Variants in PALS1 observed in about 807,000 individuals in gnomAD.
PALS1 encodes protein associated with LIN7 1, MAGUK p55 family member, also known as protein PALS1.
Under a neutral mutation model 78.9 loss-of-function variants are expected in PALS1, and 31 were observed. That is an observed-to-expected ratio of 0.39 (90% CI 0.30 to 0.53). The LOEUF (loss-of-function observed/expected upper bound fraction) is 0.53. PALS1 is among the 20% of genes least tolerant of loss of function. The pLI is 0.67. For synonymous variants in PALS1, 276 were observed against 270.9 expected (o/e 1.02, Z -0.18); for missense variants, 704 against 826.5 (o/e 0.85, Z 1.82).
chr14:67,306,981 T>C (rs745864333), intron 8 of PALS1, among the ~76,000 whole-genome samples: 2 of 152,222 alleles, frequency 1.3e-5, no homozygotes, highest in Non-Finnish European at 2.9e-5. Flanking sequence ...TTAAGACAGA[T>C]ATACAAAATA....
chr14:67,327,061 G>C (rs995582515), intron 14 of PALS1, among the ~76,000 whole-genome samples: 49 of 152,292 alleles, frequency 3.2e-4, no homozygotes, highest in African/African-American at 1.2e-3. Context: ...TGTAATCCCA[G>C]CTACTTGGGA....
At chr14:67,329,879 T>C (rs1332735969) in intron 14 of PALS1, among the ~76,000 whole-genome samples, 1 of 98,788 alleles carries the variant, frequency 1.0e-5, no homozygotes, top group Non-Finnish European at 1.7e-5. Flanking sequence ...AATAAATAAA[T>C]AGATATAGAA....
At chr14:67,270,643 T>G (rs549887815) in intron 2 of PALS1, 1 of 151,996 alleles carries the variant, frequency 6.6e-6, no homozygotes, top group African/African-American at 2.4e-5. Flanking sequence ...CTGGGAGGAC[T>G]TTTTCACTTT....
At chr14:67,328,521 CT>C (rs2085394927) in intron 14 of PALS1, among the ~76,000 whole-genome samples, 1 of 152,142 alleles carries the variant, frequency 6.6e-6, no homozygotes, top group African/African-American at 2.4e-5. Flanking sequence ...GTTGCCATTG[CT>C]TTTGGTGTTT....
intron 4 of PALS1, 132 bp downstream of exon 4, chr14:67,292,851 G>A: frequency 1.5e-6 from 1 of 654,304 alleles, no homozygotes; most frequent in South Asian, 3.3e-5. Flanking sequence ...TGTTAATAAT[G>A]TATTGTGACA....
intron 4 of PALS1, 85 bp from the exon 5 acceptor site, chr14:67,301,304 G>T: frequency 1.1e-5 from 7 of 631,948 alleles, no homozygotes; most frequent in African/African-American, 3.7e-5. Context: ...ATTTTAATTT[G>T]TACTTAAAAA....
At chr14:67,303,657 T>A in intron 8 of PALS1, 58 bp downstream of exon 8, 11 of 1,139,236 alleles carry the variant, frequency 9.7e-6, no homozygotes, top group African/African-American at 1.5e-5. Flanking sequence ...TTACTTCTGT[T>A]ACTGTTTACT....
chr14:67,267,844 T>C (rs2084352924), intron 1 of PALS1, among the ~76,000 whole-genome samples: 2 of 152,254 alleles, frequency 1.3e-5, no homozygotes. Context: ...AATGGAATCA[T>C]ACTCGTGTCT....
chr14:67,266,306 A>G (rs1019844454), intron 1 of PALS1, among the ~76,000 whole-genome samples: 5 of 151,844 alleles, frequency 3.3e-5, no homozygotes, highest in African/African-American at 1.2e-4. Flanking sequence ...TTTCAGAGCT[A>G]ATCCACTGCA....
In PALS1 at chr14:67,334,483, C is replaced by CAATT. The variant is rs2085499414; in HGVS notation, c.*1529_*1532dup. 1.3e-5 allele frequency: 2 copies of CAATT among 152,542 alleles called. No homozygotes were observed. Among genetic ancestry groups the CAATT allele is most frequent in the Admixed American group, 6.5e-5 (1 of 15,268 alleles). The allele number at this position is 152,542 out of a possible 1,614,324, so 9.4% of individuals were successfully genotyped here. On this transcript the variant is annotated 3_prime_UTR_variant, in exon 15 of 15. Coordinates refer to ENST00000261681, the MANE Select transcript of PALS1 (RefSeq NM_022474.4). ...CTGACATCATTTAATTTAACATAAGCAATTATGTTTAAGGAGTAATTTGTG... is the reference window on the plus strand; with the variant it reads ...CTGACATCATTTAATTTAACATAAGCAATTAATTATGTTTAAGGAGTAATTTGTG...
intron 1 of PALS1, among the ~76,000 whole-genome samples, chr14:67,267,119 T>G (rs552772918): frequency 6.6e-6 from 1 of 151,846 alleles, no homozygotes; most frequent in Non-Finnish European, 1.5e-5. Flanking sequence ...AACAAACAAA[T>G]AAATAAATAA....
At chr14:67,324,848 C>A (rs2098071598) in intron 14 of PALS1, among the ~76,000 whole-genome samples, 1 of 151,160 alleles carries the variant, frequency 6.6e-6, no homozygotes, top group Non-Finnish European at 1.5e-5. Flanking sequence ...CTCAGCCTCC[C>A]AAAGTTCTTG....
At chr14:67,267,144 T>A (rs922786774) in intron 1 of PALS1, among the ~76,000 whole-genome samples, 4 of 152,170 alleles carry the variant, frequency 2.6e-5, no homozygotes, top group Non-Finnish European at 5.9e-5. Context: ...AAATTTGGTT[T>A]CTTTGAGATA....
At position 67,322,593 on chromosome 14, in the gene PALS1, G is replaced by A. The variant is rs540474206; in HGVS notation, c.1741-1109G>A. Among the ~76,000 whole-genome samples the A allele has an allele frequency of 9.2e-5, 14 of 152,178 alleles. No homozygotes were observed. In the South Asian group the frequency reaches 2.9e-3, roughly 32 times the overall value. On this transcript the variant is annotated intron_variant, in intron 13 of 14. Coordinates refer to ENST00000261681, the MANE Select transcript of PALS1 (RefSeq NM_022474.4). ...ATAGTAATTAGGGATTTTTGTTTGT[G>A]TTTTAGTGGACAAATGCACTTAGGC... is the stretch of plus-strand genomic sequence containing the variant.
chr14:67,302,971 A>G (rs2084951318), intron 7 of PALS1, among the ~76,000 whole-genome samples: 1 of 152,216 alleles, frequency 6.6e-6, no homozygotes, highest in African/African-American at 2.4e-5. Flanking sequence ...ATATTAGATA[A>G]TAACAGTGCT....
intron 8 of PALS1, among the ~76,000 whole-genome samples, chr14:67,307,465 T>C (rs1208384150): frequency 2.0e-5 from 3 of 152,206 alleles, no homozygotes; most frequent in Non-Finnish European, 4.4e-5. Flanking sequence ...AGATTATTGA[T>C]TGTTTAATAC....
chr14:67,330,219 A>G (rs2085427704), intron 14 of PALS1, among the ~76,000 whole-genome samples: 1 of 150,622 alleles, frequency 6.6e-6, no homozygotes, highest in South Asian at 2.1e-4. Context: ...GTTGGAGGGC[A>G]TTTGTCTTTA....
At chr14:67,280,594 G>C (rs544092263) in intron 3 of PALS1, among the ~76,000 whole-genome samples, 2 of 152,188 alleles carry the variant, frequency 1.3e-5, no homozygotes, top group Non-Finnish European at 2.9e-5. Flanking sequence ...GTAGAGCCAA[G>C]TTTGAATTTG....
rs1011869400 is a variant in PALS1, at chr14:67,334,440, C to T, written c.*1484C>T. On this transcript the variant is annotated 3_prime_UTR_variant, in exon 15 of 15. Coordinates refer to ENST00000261681, the MANE Select transcript of PALS1 (RefSeq NM_022474.4). ...GCTACAGCATTTCCTATACCCAGAG[C>T]TAAACACTGGAATAATACTGACATC... The T allele has an allele frequency of 6.6e-6, 1 of 152,598 alleles. No individual in the cohort carries two copies. The highest frequency in any genetic ancestry group is 2.4e-5 in the African/African-American group (1 of 41,436). 9.5% of individuals were successfully genotyped at this position (152,598 alleles called of 1,614,324 possible). A position where few individuals can be genotyped will look rare whatever the true frequency, so the allele number is the denominator to read the frequency against.
Sources: gnomAD v4.1 joint callset for allele counts (sites outside exome capture counted in the v4.1 genomes callset) on GRCh38, gnomAD v4.1.1 for gene constraint, MANE v1.5 for transcripts, NCBI Gene and HGNC (gene_info 2026-07-23, HGNC 2026-07-21) for gene names.